Variants in UNC5D observed in about 807,000 individuals in gnomAD.
UNC5D encodes the protein netrin receptor UNC5D.
Under a neutral mutation model 105.4 loss-of-function variants are expected in UNC5D, and 39 were observed. That is an observed-to-expected ratio of 0.37 (90% confidence interval 0.29 to 0.48). UNC5D has a LOEUF of 0.48. Ranked by LOEUF, UNC5D falls within the 20% of genes least tolerant of loss-of-function variation. The pLI, the probability that UNC5D is intolerant of heterozygous loss-of-function variation, is 0.98. For missense variants in UNC5D, 991 were observed against 1,202.4 expected (o/e 0.82, Z 2.60); for synonymous variants, 452 against 450.4 (o/e 1.00, Z -0.04).
intron 1 of UNC5D, among the ~76,000 whole-genome samples, chr8:35,406,028 T>C (rs1216966024): frequency 6.6e-6 from 1 of 152,162 alleles, no homozygotes; most frequent in African/African-American, 2.4e-5. Context: ...TAGCATTAAG[T>C]TAATTATGGA....
chr8:35,697,459 G>T (rs532769764), intron 7 of UNC5D, among the ~76,000 whole-genome samples: 2 of 151,760 alleles, frequency 1.3e-5, no homozygotes, highest in Admixed American at 6.6e-5. Context: ...TCTTTTAGAT[G>T]TGAAACAAAT....
chr8:35,749,043 G>A (rs1238011493), intron 12 of UNC5D, among the ~76,000 whole-genome samples: 1 of 152,152 alleles, frequency 6.6e-6, no homozygotes, highest in Non-Finnish European at 1.5e-5. Context: ...GTGGAGTTAG[G>A]GAGGAGGTTC....
rs1828375996 is a variant in UNC5D, at chr8:35,718,366, A to G, written c.1118-3844A>G. Among the ~76,000 whole-genome samples, 3 of 152,236 alleles carry G rather than the reference A, an allele frequency of 2.0e-5. No individual in the cohort carries two copies. The South Asian group carries it at 6.2e-4, about 32-fold the overall frequency. On this transcript the variant is annotated intron_variant, in intron 8 of 16. Coordinates refer to ENST00000404895, the MANE Select transcript of UNC5D (RefSeq NM_080872.4). The stretch of plus-strand genomic sequence containing the variant: ...CACTTTGAGCAAACAAACCAGCCAC[A>G]CTGTACTTGAGAGACCGGATAGGTA...
chr8:35,496,331 T>C (rs939576553), intron 1 of UNC5D, among the ~76,000 whole-genome samples: 2 of 152,160 alleles, frequency 1.3e-5, no homozygotes, highest in Admixed American at 6.6e-5. Flanking sequence ...TAAGGACTTT[T>C]GGAAGCCAGT....
intron 10 of UNC5D, among the ~76,000 whole-genome samples, chr8:35,729,511 G>C (rs1339252374): frequency 1.3e-5 from 2 of 152,124 alleles, no homozygotes. Context: ...CTCTGTCATC[G>C]TAATGACCTA....
intron 1 of UNC5D, among the ~76,000 whole-genome samples, chr8:35,284,295 CTT>C (rs1806422101): frequency 6.6e-6 from 1 of 152,148 alleles, no homozygotes; most frequent in Non-Finnish European, 1.5e-5. Context: ...AAAAAGCCAT[CTT>C]TTAATTGAAT....
At chr8:35,401,765 AC>A (rs748231507) in intron 1 of UNC5D, among the ~76,000 whole-genome samples, 5 of 152,188 alleles carry the variant, frequency 3.3e-5, no homozygotes, top group Admixed American at 6.5e-5. Flanking sequence ...AAAGAAAAAA[AC>A]ATCTCTAATG....
At chr8:35,344,046 G>A (rs1010930521) in intron 1 of UNC5D, among the ~76,000 whole-genome samples, 2 of 152,056 alleles carry the variant, frequency 1.3e-5, no homozygotes, top group African/African-American at 4.8e-5. Flanking sequence ...TGTTGCTTGT[G>A]GGAGGTAGTG....
At chr8:35,375,330 T>C (rs1007656480) in intron 1 of UNC5D, among the ~76,000 whole-genome samples, 6 of 152,216 alleles carry the variant, frequency 3.9e-5, no homozygotes, top group Non-Finnish European at 7.3e-5. Flanking sequence ...TATAGGTTCT[T>C]AATGTTCCAC....
intron 1 of UNC5D, among the ~76,000 whole-genome samples, chr8:35,248,888 A>T (rs1341130881): frequency 2.2e-5 from 2 of 90,714 alleles, no homozygotes; most frequent in Non-Finnish European, 3.7e-5. Flanking sequence ...ATAATATATT[A>T]TATAAATATA....
chr8:35,722,268 C>A lies in UNC5D; in HGVS notation c.1176C>A (p.Ala392=). The A allele has an allele frequency of 1.2e-6, 2 of 1,614,148 alleles. No homozygotes were observed. Among genetic ancestry groups the A allele is most frequent in the Non-Finnish European group, 1.7e-6 (2 of 1,180,014 alleles). The stretch of plus-strand genomic sequence containing the variant: ...CGGGCTTGGGTGCTGCCGTCGTGGC[C>A]GTTGCAGTCCTGGTCATTGGTGTCA... ...LYSGLGAAVV[A]VAVLVIGVTL... The change falls in exon 9 of 17, where the codon GCC becomes GCA. Residue 392 remains alanine, a synonymous_variant. Transcript: ENST00000404895.
intron 1 of UNC5D, among the ~76,000 whole-genome samples, chr8:35,358,459 G>A (rs1475865057): frequency 1.3e-5 from 2 of 152,074 alleles, no homozygotes; most frequent in East Asian, 3.9e-4. Context: ...ACACAGGGAG[G>A]GGAATAATAC....
At chr8:35,702,143 G>A (rs1827246078) in intron 7 of UNC5D, among the ~76,000 whole-genome samples, 1 of 151,886 alleles carries the variant, frequency 6.6e-6, no homozygotes, top group South Asian at 2.1e-4. Flanking sequence ...TAGACCCTGG[G>A]AAAACTGCTA....
rs192814538 is a variant in UNC5D at position 35,387,086 on chromosome 8, C to T, written c.103+151199C>T. ...TAGAAATGCAGATTCTCAGGCCGGA[C>T]GCAGTGGCTCACACCTGTAATCCCA... On this transcript the variant is annotated intron_variant, in intron 1 of 16. Coordinates refer to ENST00000404895, the MANE Select transcript of UNC5D (RefSeq NM_080872.4). 1.3e-3 allele frequency among the ~76,000 whole-genome samples: 191 copies of T among 151,602 alleles called. 5 individuals carry two copies. In the East Asian group the frequency reaches 0.033, roughly 26 times the overall value.
chr8:35,266,054 T>A (rs540004629), intron 1 of UNC5D, among the ~76,000 whole-genome samples: 1 of 152,168 alleles, frequency 6.6e-6, no homozygotes, highest in African/African-American at 2.4e-5. Flanking sequence ...ACTGTATGTG[T>A]TTAACTTTTC....
intron 4 of UNC5D, among the ~76,000 whole-genome samples, chr8:35,613,072 G>A (rs145550502): frequency 1.1e-3 from 169 of 152,116 alleles, no homozygotes; most frequent in African/African-American, 4.0e-3. Context: ...CACGTCTCAT[G>A]GTTGTGAGCT....
Position 35,774,377 on chromosome 8 carries a change from A to T in UNC5D, c.2557A>T (p.Ile853Phe), listed in dbSNP as rs1332679776. The change falls in exon 16 of 17, where the codon ATT becomes TTT. Residue 853 changes from isoleucine to phenylalanine, a missense_variant. Physicochemically the swap from Ile to Phe is conservative, Grantham distance 21 (BLOSUM62 0). Coordinates refer to ENST00000404895, the MANE Select transcript of UNC5D (RefSeq NM_080872.4). ...PAQTGPKAFKIPYSIRQRICA... is the reference protein window; with the variant it reads ...PAQTGPKAFKFPYSIRQRICA... ...ACAGACTGGCCCCAAAGCCTTCAAAATTCCCTACTCCATCAGACAGCGGAT... is the reference window on the plus strand; with the variant it reads ...ACAGACTGGCCCCAAAGCCTTCAAATTTCCCTACTCCATCAGACAGCGGAT... 2 of 1,614,084 alleles carry T rather than the reference A, an allele frequency of 1.2e-6. No individual in the cohort carries two copies. The highest frequency in any genetic ancestry group is 1.1e-5 in the South Asian group (1 of 91,078).
At chr8:35,600,210 C>T (rs1819772277) in intron 4 of UNC5D, among the ~76,000 whole-genome samples, 1 of 152,126 alleles carries the variant, frequency 6.6e-6, no homozygotes, top group Non-Finnish European at 1.5e-5. Flanking sequence ...CATTGTTGGA[C>T]ATTTGGGTTG....
At chr8:35,350,847 T>C (rs927204179) in intron 1 of UNC5D, among the ~76,000 whole-genome samples, 1 of 152,090 alleles carries the variant, frequency 6.6e-6, no homozygotes, top group East Asian at 1.9e-4. Context: ...TCTTCTTTCA[T>C]GGCCATCAAG....
Sources: gnomAD v4.1 joint callset for allele counts (sites outside exome capture counted in the v4.1 genomes callset) on GRCh38, gnomAD v4.1.1 for gene constraint, MANE v1.5 for transcripts, NCBI Gene and HGNC (gene_info 2026-07-23, HGNC 2026-07-21) for gene names.